Variants in SEC23B observed in about 807,000 individuals in gnomAD.
SEC23B encodes protein transport protein Sec23B.
A neutral mutation model predicts 104.3 loss-of-function variants in SEC23B; 77 were observed. That is an observed-to-expected ratio of 0.74 (90% CI 0.61 to 0.89). The LOEUF (loss-of-function observed/expected upper bound fraction) is 0.89. Among genes scored for constraint, SEC23B ranks in the 40% least tolerant of loss-of-function variants. The probability of loss-of-function intolerance (pLI) is 0.00; values close to 1 mark genes in which losing one functional copy is unlikely to be tolerated. For synonymous variants in SEC23B, 338 were observed against 332.5 expected, an observed-to-expected ratio of 1.02 and a Z score of -0.18; for missense variants, 885 against 949.4, an observed-to-expected ratio of 0.93 and a Z score of 0.89.
Position 18,561,009 on chromosome 20 carries a change from G to T in SEC23B, c.*269G>T. 2.4e-6 allele frequency: 1 copy of T among 425,314 alleles called. No homozygotes were observed. The highest frequency in any genetic ancestry group is 4.3e-6 in the Non-Finnish European group (1 of 230,474). 26.3% of individuals were successfully genotyped at this position (425,314 alleles called of 1,614,324 possible). ...CTTTTAGAATCTAAATAAAATCAGA[G>T]GTAATGTATTTTGGCAGCTTGTTTA... On this transcript the variant is annotated 3_prime_UTR_variant, in exon 20 of 20. Coordinates refer to ENST00000650089, the MANE Select transcript of SEC23B (RefSeq NM_006363.6).
At chr20:18,535,200 C>A (rs961729723) in intron 11 of SEC23B, among the ~76,000 whole-genome samples, 2 of 150,812 alleles carry the variant, frequency 1.3e-5, no homozygotes, top group Non-Finnish European at 3.0e-5. Context: ...ACACCCACCC[C>A]CCCCCACACA....
At chr20:18,527,202 G>T (rs2060141617) in intron 8 of SEC23B, among the ~76,000 whole-genome samples, 1 of 152,118 alleles carries the variant, frequency 6.6e-6, no homozygotes, top group South Asian at 2.1e-4. Context: ...GGGTGACGGA[G>T]TGAGACTGTC....
intron 14 of SEC23B, among the ~76,000 whole-genome samples, chr20:18,543,459 C>T (rs1411873421): frequency 6.6e-6 from 1 of 152,056 alleles, no homozygotes; most frequent in Non-Finnish European, 1.5e-5. Context: ...ATGCTCTGGT[C>T]TTGTATTTTT....
chr20:18,535,081 A>T (rs759501851), intron 11 of SEC23B, among the ~76,000 whole-genome samples: 1 of 152,010 alleles, frequency 6.6e-6, no homozygotes, highest in African/African-American at 2.4e-5. Context: ...TCCGCTCTCC[A>T]CCTTAGAGCT....
At chr20:18,544,538 C>G (rs2060315230) in intron 14 of SEC23B, among the ~76,000 whole-genome samples, 1 of 152,136 alleles carries the variant, frequency 6.6e-6, no homozygotes, top group Non-Finnish European at 1.5e-5. Flanking sequence ...ATGCTGAGGA[C>G]TTTGGAGAAA....
rs754024580 is a variant in SEC23B, at chr20:18,542,245, G to A, written c.1405-51G>A. The A allele has an allele frequency of 1.8e-5, 27 of 1,474,868 alleles. No homozygotes were observed. In the Middle Eastern group the frequency reaches 5.2e-4, roughly 28 times the overall value. The allele number at this position is 1,474,868 out of a possible 1,614,324, so 91.4% of individuals were successfully genotyped here. ...GAAGAGTACAGTGGGCTCTGTGACCGTGTTTGAGTTGCGCCTATAACAGAC... is the reference window on the plus strand; with the variant it reads ...GAAGAGTACAGTGGGCTCTGTGACCATGTTTGAGTTGCGCCTATAACAGAC... On this transcript the variant is annotated intron_variant, in intron 12 of 19. Transcript: ENST00000650089.
At chr20:18,538,552 C>A (rs760935668) in intron 12 of SEC23B, among the ~76,000 whole-genome samples, 2 of 152,110 alleles carry the variant, frequency 1.3e-5, no homozygotes, top group Non-Finnish European at 2.9e-5. Context: ...CATGCCTGGC[C>A]GGAATTTCTT....
At chr20:18,520,451 G>C (rs1273542385) in intron 4 of SEC23B, among the ~76,000 whole-genome samples, 1 of 152,122 alleles carries the variant, frequency 6.6e-6, no homozygotes, top group African/African-American at 2.4e-5. Context: ...TTAAGGTTGG[G>C]GGGTACAAGA....
At chr20:18,523,834 A>G (rs1261965400) in intron 4 of SEC23B, among the ~76,000 whole-genome samples, 1 of 151,946 alleles carries the variant, frequency 6.6e-6, no homozygotes, top group East Asian at 1.9e-4. Context: ...CCTCCTGAGT[A>G]GCTGGGACCT....
chr20:18,545,895 T>G, intron 14 of SEC23B, 61 bp from the exon 15 acceptor site: 1 of 999,716 alleles, frequency 1.0e-6, no homozygotes, highest in Non-Finnish European at 1.6e-6. Flanking sequence ...TAATGCTAAC[T>G]TAGATTTTTC....
chr20:18,536,646 C>T (rs977169482), intron 12 of SEC23B, among the ~76,000 whole-genome samples: 19 of 150,974 alleles, frequency 1.3e-4, no homozygotes, highest in Non-Finnish European at 1.8e-4. Context: ...GAGCCAAGAT[C>T]GTGCCACTGC....
intron 4 of SEC23B, among the ~76,000 whole-genome samples, chr20:18,521,234 G>T (rs2060081149): frequency 1.3e-5 from 2 of 152,162 alleles, no homozygotes; most frequent in Non-Finnish European, 2.9e-5. Context: ...CACCTTGAAG[G>T]CGAGGTTAAT....
chr20:18,526,436 C>T lies in SEC23B; in HGVS notation c.898C>T (p.Pro300Ser). ...LFTGGPPTQG[P>S]GMVVGDELKI... The stretch of plus-strand genomic sequence containing the variant: ...TACTGGAGGTCCCCCTACCCAAGGG[C>T]CTGGCATGGTGGTTGGAGATGAATT... Residue 300 changes from proline to serine, a missense_variant, in exon 8 of 20, where the codon CCT becomes TCT. Coordinates refer to ENST00000650089, the MANE Select transcript of SEC23B (RefSeq NM_006363.6). The T allele has an allele frequency of 6.2e-7, 1 of 1,614,186 alleles. No homozygotes were observed. The highest frequency in any genetic ancestry group is 1.1e-5 in the South Asian group (1 of 91,084).
At position 18,530,792 on chromosome 20, in the gene SEC23B, T is replaced by C. The variant is rs754794659; in HGVS notation, c.1222T>C (p.Leu408=). Residue 408 remains leucine, a synonymous_variant, in exon 10 of 20, where the codon TTG becomes CTG. Coordinates refer to ENST00000650089, the MANE Select transcript of SEC23B (RefSeq NM_006363.6). ...GDFRMAFGAT[L]DVKTSRELKI... is the part of the protein sequence containing the mutation. ...TTTCCGAATGGCATTTGGTGCTACTTTGGACGTAAAGGTACGGTAAACTTT... is the reference window on the plus strand; with the variant it reads ...TTTCCGAATGGCATTTGGTGCTACTCTGGACGTAAAGGTACGGTAAACTTT... 1.4e-5 allele frequency: 23 copies of C among 1,612,346 alleles called. No homozygotes were observed. In the African/African-American group the frequency reaches 2.9e-4, roughly 21 times the overall value.
chr20:18,527,643 ACAGTGTTATTTTAAGG>A (rs1568607908), intron 9 of SEC23B, 32 bp downstream of exon 9: 1 of 1,324,208 alleles, frequency 7.6e-7, no homozygotes, highest in Non-Finnish European at 1.1e-6. Context: ...GGGCAGAGTG[ACAGTGTTATTTTAAGG>A]AAAGAGAAAT....
chr20:18,524,098 C>T (rs971729735), intron 4 of SEC23B, among the ~76,000 whole-genome samples: 3 of 152,128 alleles, frequency 2.0e-5, no homozygotes, highest in African/African-American at 7.2e-5. Context: ...TTGCAGTCCC[C>T]CTTAACCTCT....
At chr20:18,516,354 G>A (rs903557332) in intron 4 of SEC23B, among the ~76,000 whole-genome samples, 1 of 149,922 alleles carries the variant, frequency 6.7e-6, no homozygotes, top group Non-Finnish European at 1.5e-5. Flanking sequence ...AATGAATATA[G>A]CTGTTCAAAT....
chr20:18,527,287 G>A (rs1555788513), intron 8 of SEC23B, among the ~76,000 whole-genome samples: 1 of 152,162 alleles, frequency 6.6e-6, no homozygotes, highest in Non-Finnish European at 1.5e-5. Flanking sequence ...CCAGCTACTT[G>A]GGAGGCTGAG....
At chr20:18,532,783 G>A (rs773406627) in intron 11 of SEC23B, 39 bp downstream of exon 11, 36 of 1,445,060 alleles carry the variant, frequency 2.5e-5, no homozygotes, top group Non-Finnish European at 2.8e-5. Context: ...CTCCTGCCCC[G>A]GATTTAACCC....
Sources: allele counts gnomAD v4.1 joint callset (sites outside exome capture counted in the v4.1 genomes callset), GRCh38; gene constraint gnomAD v4.1.1; transcripts MANE v1.5; gene names NCBI Gene and HGNC (gene_info 2026-07-23, HGNC 2026-07-21).